Variants in TTYH3 observed in about 807,000 individuals in gnomAD.
TTYH3 encodes the protein tweety family member 3.
Under a neutral mutation model 68.2 loss-of-function variants are expected in TTYH3, and 23 were observed. The observed-to-expected ratio is 0.34, with a 90% CI of 0.24 to 0.48. The LOEUF is 0.48. TTYH3 is among the 20% of genes least tolerant of loss of function. The pLI is 0.99. For missense variants in TTYH3, 768 were observed against 727.7 expected, an observed-to-expected ratio of 1.06 and a Z score of -0.64; for synonymous variants, 360 against 332.8, an observed-to-expected ratio of 1.08 and a Z score of -0.89.
At chr7:2,647,893 C>A (rs180716740) in intron 4 of TTYH3, 66 bp from the exon 5 acceptor site, 2 of 1,563,654 alleles carry the variant, frequency 1.3e-6, no homozygotes, top group South Asian at 1.1e-5. Context: ...CCCTCAAGGG[C>A]CCCTGGCGCC....
In TTYH3 at chr7:2,662,657, C is replaced by T. The variant is rs1388939077; in HGVS notation, c.*918C>T. ...ATGACAGGTACAGCATCCCAGGAGC[C>T]CGGCCTGAGGGGCTGGACCCGAGCC... is the stretch of plus-strand genomic sequence containing the variant. On this transcript the variant is annotated 3_prime_UTR_variant, in exon 14 of 14. Transcript: ENST00000258796. The T allele has an allele frequency of 1.3e-5, 2 of 152,722 alleles. No homozygotes were observed. The highest frequency in any genetic ancestry group is 4.8e-5 in the African/African-American group (2 of 41,442). 9.5% of individuals were successfully genotyped at this position (152,722 alleles called of 1,614,324 possible). A position where few individuals can be genotyped will look rare whatever the true frequency, so the allele number is the denominator to read the frequency against.
chr7:2,652,896 C>A, intron 8 of TTYH3, 22 bp from the exon 9 acceptor site: 1 of 1,547,338 alleles, frequency 6.5e-7, no homozygotes, highest in Non-Finnish European at 8.7e-7. Flanking sequence ...CGCCCATGGA[C>A]TTGGTCTCCT....
At chr7:2,633,295 C>T (rs892942988) in intron 1 of TTYH3, among the ~76,000 whole-genome samples, 5 of 152,122 alleles carry the variant, frequency 3.3e-5, no homozygotes, top group African/African-American at 7.2e-5. Flanking sequence ...CTTGGGAATC[C>T]GGTATTCCGC....
At chr7:2,651,592 G>A (rs999334406) in intron 7 of TTYH3, among the ~76,000 whole-genome samples, 1 of 152,216 alleles carries the variant, frequency 6.6e-6, no homozygotes, top group South Asian at 2.1e-4. Context: ...ATGTACACAC[G>A]TAAGTGTGAG....
Position 2,656,398 on chromosome 7 carries a change from G to C in TTYH3, c.1114G>C (p.Asp372His). The change falls in exon 11 of 14, where the codon GAC becomes CAC. Residue 372 changes from aspartate to histidine, a missense_variant and splice_region_variant. Physicochemically the swap from Asp to His is moderately conservative, Grantham distance 81. Coordinates refer to ENST00000258796, the MANE Select transcript of TTYH3 (RefSeq NM_025250.3). Reference sequence around the variant, plus strand: ...CTGCCATCTCATCCCACGGCCTCAGGACTACGTGCAAGCGCTGACCGGCTT... The same window carrying C: ...CTGCCATCTCATCCCACGGCCTCAGCACTACGTGCAAGCGCTGACCGGCTT... The part of the protein sequence containing the change: ...ALVDCRSLHL[D>H]YVQALTGFCY... The C allele has an allele frequency of 6.2e-7, 1 of 1,609,082 alleles. No individual in the cohort carries two copies. Among genetic ancestry groups the C allele is most frequent in the Non-Finnish European group, 8.5e-7 (1 of 1,179,000 alleles).
intron 7 of TTYH3, among the ~76,000 whole-genome samples, chr7:2,651,919 CAT>C (rs1786189547): frequency 6.6e-6 from 1 of 152,140 alleles, no homozygotes; most frequent in African/African-American, 2.4e-5. Context: ...CATGCGAAGA[CAT>C]GTACACACAG....
intron 1 of TTYH3, among the ~76,000 whole-genome samples, chr7:2,641,253 C>T (rs1342378542): frequency 2.0e-5 from 3 of 152,162 alleles, no homozygotes; most frequent in African/African-American, 7.2e-5. Flanking sequence ...GGCTCTCTGG[C>T]TGGCTGGGTG....
intron 1 of TTYH3, among the ~76,000 whole-genome samples, chr7:2,632,957 G>C (rs1412728394): frequency 6.6e-6 from 1 of 152,148 alleles, no homozygotes; most frequent in Non-Finnish European, 1.5e-5. Context: ...GAGGCCCGGC[G>C]GCCAGGAAGC....
chr7:2,632,302 CG>C, intron 1 of TTYH3, 24 bp downstream of exon 1: 1 of 1,544,620 alleles, frequency 6.5e-7, no homozygotes, highest in Non-Finnish European at 8.8e-7. Flanking sequence ...CTCGGGGTCG[CG>C]GGGTCAGGGA....
chr7:2,633,385 G>A (rs1785576206), intron 1 of TTYH3, among the ~76,000 whole-genome samples: 1 of 152,154 alleles, frequency 6.6e-6, no homozygotes, highest in Non-Finnish European at 1.5e-5. Context: ...GGAAGTGGAG[G>A]AGCAGGGCAC....
chr7:2,657,464 G>A (rs1786371289), intron 11 of TTYH3, among the ~76,000 whole-genome samples: 1 of 151,848 alleles, frequency 6.6e-6, no homozygotes, highest in South Asian at 2.1e-4. Context: ...GTTGGTGATG[G>A]TGATGGCATT....
In TTYH3 at chr7:2,663,733, C is replaced by T. The variant is rs558500618; in HGVS notation, c.*1994C>T. On this transcript the variant is annotated 3_prime_UTR_variant, in exon 14 of 14. Coordinates refer to ENST00000258796, the MANE Select transcript of TTYH3 (RefSeq NM_025250.3). Reference sequence around the variant, plus strand: ...ATGCTGTCCATGGCCGTGAGGCTGCCTGCCAGGTGAATGGACATAGCGTGA... The same window carrying T: ...ATGCTGTCCATGGCCGTGAGGCTGCTTGCCAGGTGAATGGACATAGCGTGA... 6.5e-6 allele frequency: 1 copy of T among 152,860 alleles called. No individual in the cohort carries two copies. Among genetic ancestry groups the T allele is most frequent in the Non-Finnish European group, 1.5e-5 (1 of 68,056 alleles). 9.5% of individuals were successfully genotyped at this position (152,860 alleles called of 1,614,324 possible). A position where few individuals can be genotyped will look rare whatever the true frequency, so the allele number is the denominator to read the frequency against.
chr7:2,660,540 G>T (rs907897073), intron 13 of TTYH3: 5 of 985,086 alleles, frequency 5.1e-6, no homozygotes, highest in Admixed American at 6.2e-5. Flanking sequence ...CTGCGCGTCT[G>T]CCCCGTCCCG....
In TTYH3 at chr7:2,652,223, C is replaced by A; in HGVS notation, c.908C>A (p.Ala303Asp). The A allele has an allele frequency of 6.2e-7, 1 of 1,612,888 alleles. No homozygotes were observed. The highest frequency in any genetic ancestry group is 8.5e-7 in the Non-Finnish European group (1 of 1,180,014). ...LQYYLACSPR[A>D]ANPFQQKLSG... ...TACTACCTGGCCTGCTCGCCCCGCGCCGCCAACCCCTTCCAGCAGGTGAGA... is the reference window on the plus strand; with the variant it reads ...TACTACCTGGCCTGCTCGCCCCGCGACGCCAACCCCTTCCAGCAGGTGAGA... Residue 303 changes from alanine to aspartate, a missense_variant, in exon 8 of 14, where the codon GCC (alanine) becomes GAC (aspartate). Transcript: ENST00000258796.
chr7:2,641,323 A>C (rs1583558855), intron 1 of TTYH3, among the ~76,000 whole-genome samples: 1 of 139,424 alleles, frequency 7.2e-6, no homozygotes, highest in South Asian at 2.4e-4. Flanking sequence ...CAGTCGGGGG[A>C]GTCTGGGCTC....
At chr7:2,632,340 C>T in intron 1 of TTYH3, 62 bp downstream of exon 1, 1 of 1,429,496 alleles carries the variant, frequency 7.0e-7, no homozygotes, top group Non-Finnish European at 9.3e-7. Flanking sequence ...CCTCCTCTCC[C>T]AGGGTCACGG....
chr7:2,659,160 G>C, intron 13 of TTYH3, 145 bp downstream of exon 13: 2 of 822,374 alleles, frequency 2.4e-6, no homozygotes, highest in Non-Finnish European at 3.9e-6. Flanking sequence ...GGTCCCAGGT[G>C]ACCCTTCCCA....
chr7:2,639,134 G>A (rs1785760844), intron 1 of TTYH3, among the ~76,000 whole-genome samples: 1 of 152,170 alleles, frequency 6.6e-6, no homozygotes, highest in African/African-American at 2.4e-5. Context: ...CTCTGGAGGA[G>A]GGGCCTTGGG....
rs371193809 is a variant in TTYH3, at chr7:2,649,642, G to A, written c.795+3G>A. ...GCTTGGAGCTGGCTGTGTCCGTGGT[G>A]AGTGGCAGAGGGGGTGAGGTCCCCG... On this transcript the variant is annotated splice_donor_region_variant and intron_variant, in intron 6 of 13. Transcript: ENST00000258796. 1.3e-6 allele frequency: 2 copies of A among 1,597,204 alleles called. No homozygotes were observed. The highest frequency in any genetic ancestry group is 1.7e-6 in the Non-Finnish European group (2 of 1,176,354).
Sources: gnomAD v4.1 joint callset for allele counts (sites outside exome capture counted in the v4.1 genomes callset) on GRCh38, gnomAD v4.1.1 for gene constraint, MANE v1.5 for transcripts, NCBI Gene and HGNC (gene_info 2026-07-23, HGNC 2026-07-21) for gene names.